Variants in RBFOX1 observed in about 807,000 individuals in gnomAD.
RBFOX1 encodes the protein RNA binding fox-1 homolog 1, also known as RNA binding protein fox-1 homolog 1.
RBFOX1 carries 8 observed loss-of-function variants against 57.7 expected under a neutral mutation model. The observed-to-expected ratio is 0.14, with a 90% confidence interval of 0.08 to 0.25. The LOEUF (loss-of-function observed/expected upper bound fraction) is 0.25, where lower values mean the gene tolerates loss of function less well. Among genes scored for constraint, RBFOX1 ranks in the 10% least tolerant of loss-of-function variants. The probability of loss-of-function intolerance (pLI) is 1.00; values close to 1 mark genes in which losing one functional copy is unlikely to be tolerated. For synonymous variants in RBFOX1, 326 were observed against 222.4 expected, an observed-to-expected ratio of 1.47 and a Z score of -4.15; for missense variants, 611 against 548.5, an observed-to-expected ratio of 1.11 and a Z score of -1.14.
intron 1 of RBFOX1, among the ~76,000 whole-genome samples, chr16:5,459,257 A>G (rs2068719561): frequency 6.6e-6 from 1 of 152,172 alleles, no homozygotes; most frequent in African/African-American, 2.4e-5. Flanking sequence ...CCTCATCCTA[A>G]TCTCAGATCA....
At chr16:6,454,930 CTGGAGT>C (rs1256430337) in intron 2 of RBFOX1, among the ~76,000 whole-genome samples, 1 of 140,706 alleles carries the variant, frequency 7.1e-6, no homozygotes, top group Non-Finnish European at 1.5e-5. Flanking sequence ...GTCACCCAGG[CTGGAGT>C]ACAGCGGCAC....
intron 1 of RBFOX1, among the ~76,000 whole-genome samples, chr16:5,394,565 C>CTT (rs35758196): frequency 0.017 from 2,276 of 134,230 alleles, 77 homozygotes; most frequent in African/African-American, 0.06. Context: ...TTCTTTCTGT[C>CTT]TTTTTTTTTT....
chr16:6,650,650 C>T (rs1053626842), intron 2 of RBFOX1, among the ~76,000 whole-genome samples: 16 of 152,180 alleles, frequency 1.1e-4, no homozygotes, highest in Admixed American at 6.5e-4. Context: ...GATAGGAAAA[C>T]AGTCTGTTCT....
intron 3 of RBFOX1, among the ~76,000 whole-genome samples, chr16:6,933,909 C>G (rs901011347): frequency 6.6e-6 from 1 of 152,092 alleles, no homozygotes; most frequent in Non-Finnish European, 1.5e-5. Flanking sequence ...CAACAAAATA[C>G]CAGTGTTTGA....
At chr16:6,955,347 T>TAC (rs2081560897) in intron 3 of RBFOX1, among the ~76,000 whole-genome samples, 1 of 79,600 alleles carries the variant, frequency 1.3e-5, no homozygotes, top group African/African-American at 6.9e-5. Flanking sequence ...TCCCCACATA[T>TAC]GCACACACAC....
chr16:5,736,111 C>A (rs563903753), intron 3 of RBFOX1, among the ~76,000 whole-genome samples: 1 of 152,006 alleles, frequency 6.6e-6, no homozygotes, highest in Admixed American at 6.5e-5. Context: ...TTACTGGCTG[C>A]GATGATGACG....
intron 4 of RBFOX1, among the ~76,000 whole-genome samples, chr16:7,499,671 G>A (rs553874625): frequency 2.0e-5 from 3 of 152,304 alleles, no homozygotes; most frequent in African/African-American, 7.2e-5. Context: ...AATGCAGCCA[G>A]TGGGTAGTTA....
chr16:6,055,589 TCAAAAA>T (rs1365399560), intron 1 of RBFOX1, among the ~76,000 whole-genome samples: 50 of 27,742 alleles, frequency 1.8e-3, no homozygotes, highest in African/African-American at 4.3e-3. Flanking sequence ...TGAGACTCCG[TCAAAAA>T]AAAAAAAAAA....
At chr16:7,497,460 T>C (rs1202452626) in intron 4 of RBFOX1, among the ~76,000 whole-genome samples, 1 of 152,196 alleles carries the variant, frequency 6.6e-6, no homozygotes, top group Non-Finnish European at 1.5e-5. Flanking sequence ...TATAATAATT[T>C]ATACTTATAA....
intron 4 of RBFOX1, among the ~76,000 whole-genome samples, chr16:5,936,385 C>A (rs11648632): frequency 0.34 from 52,437 of 152,050 alleles, 9,218 homozygotes; most frequent in Middle Eastern, 0.57. Context: ...TAGCCTCCCA[C>A]AGTGCTGGGA....
chr16:7,051,361 G>A (rs1412894274), intron 3 of RBFOX1, among the ~76,000 whole-genome samples: 2 of 152,102 alleles, frequency 1.3e-5, no homozygotes, highest in Non-Finnish European at 2.9e-5. Context: ...TAAATTATAT[G>A]GCCACTCCAA....
intron 4 of RBFOX1, among the ~76,000 whole-genome samples, chr16:7,155,378 C>T (rs1360795332): frequency 6.6e-6 from 1 of 151,758 alleles, no homozygotes; most frequent in Non-Finnish European, 1.5e-5. Context: ...TCACTTAAGC[C>T]AGGAGTTCAA....
intron 1 of RBFOX1, among the ~76,000 whole-genome samples, chr16:6,203,466 T>C (rs1246615286): frequency 1.3e-5 from 2 of 152,216 alleles, no homozygotes; most frequent in Admixed American, 1.3e-4. Flanking sequence ...ATGTATGCCA[T>C]TTTCTTTATC....
intron 9 of RBFOX1, among the ~76,000 whole-genome samples, chr16:7,603,612 G>C (rs940988585): frequency 2.0e-5 from 3 of 152,112 alleles, no homozygotes; most frequent in Admixed American, 6.5e-5. Context: ...TGAAAAGCTA[G>C]AGAGTTCTCC....
intron 1 of RBFOX1, among the ~76,000 whole-genome samples, chr16:6,071,449 A>G (rs527770768): frequency 6.6e-6 from 1 of 152,340 alleles, no homozygotes; most frequent in African/African-American, 2.4e-5. Context: ...TTGGGTGACA[A>G]GATAATCTGT....
intron 4 of RBFOX1, among the ~76,000 whole-genome samples, chr16:5,924,879 T>C (rs1412872984): frequency 6.6e-6 from 1 of 152,180 alleles, no homozygotes; most frequent in Non-Finnish European, 1.5e-5. Flanking sequence ...AAAGTCTAAC[T>C]GTATCCGCCT....
In RBFOX1 at chr16:5,947,659, A is replaced by G. The variant is rs1300613649; in HGVS notation, c.351+80324A>G. Among the ~76,000 whole-genome samples the G allele has an allele frequency of 3.9e-5, 6 of 152,030 alleles. No homozygotes were observed. Among genetic ancestry groups the G allele is most frequent in the African/African-American group, 1.4e-4 (6 of 41,404 alleles). ...AGGTATTTTTATGGCATCCCTTACCATCTTCCTTCTCTATTGTAAATCTGC... is the reference window on the plus strand; with the variant it reads ...AGGTATTTTTATGGCATCCCTTACCGTCTTCCTTCTCTATTGTAAATCTGC... On this transcript the variant is annotated intron_variant, in intron 4 of 19. Transcript: ENST00000641259. The surrounding 1 kb of genome is among the most constrained non-coding windows in gnomAD (Gnocchi z 7.2).
intron 3 of RBFOX1, among the ~76,000 whole-genome samples, chr16:5,858,943 G>A (rs545622110): frequency 2.7e-4 from 41 of 152,316 alleles, no homozygotes; most frequent in African/African-American, 9.9e-4. Context: ...GGCCGGGTCT[G>A]GTGGCTCACG....
At chr16:7,562,098 G>C (rs1489338523) in intron 5 of RBFOX1, among the ~76,000 whole-genome samples, 2 of 152,206 alleles carry the variant, frequency 1.3e-5, no homozygotes, top group African/African-American at 4.8e-5. Context: ...CTAAGCTAGA[G>C]AACAATGCAG....
Sources: allele counts gnomAD v4.1 joint callset (sites outside exome capture counted in the v4.1 genomes callset), GRCh38; gene constraint gnomAD v4.1.1; non-coding constraint Gnocchi (gnomAD v3.1); transcripts MANE v1.5; gene names NCBI Gene and HGNC (gene_info 2026-07-23, HGNC 2026-07-21).